The following LRRTM4 variants were observed in gnomAD, a reference collection of about 807,000 sequenced individuals.
The protein encoded by LRRTM4 is leucine rich repeat transmembrane neuronal 4, also known as leucine-rich repeat transmembrane neuronal protein 4.
In LRRTM4, 25 loss-of-function variants were observed where a neutral mutation model predicts 47.6. That is an observed-to-expected ratio of 0.53 (90% CI 0.38 to 0.73). The LOEUF is 0.73. LRRTM4 is among the 30% of genes least tolerant of loss of function. The pLI is 0.00. For synonymous variants in LRRTM4, 311 were observed against 269.5 expected, an observed-to-expected ratio of 1.15 and a Z score of -1.51; for missense variants, 638 against 713.4, an observed-to-expected ratio of 0.89 and a Z score of 1.20.
intron 3 of LRRTM4, among the ~76,000 whole-genome samples, chr2:76,891,096 AAGG>A (rs1283865724): frequency 1.3e-5 from 2 of 151,952 alleles, no homozygotes; most frequent in African/African-American, 2.4e-5. Flanking sequence ...AATGAAGTGA[AAGG>A]AGGAGAAAAG....
intron 3 of LRRTM4, among the ~76,000 whole-genome samples, chr2:77,511,008 A>G (rs924473468): frequency 6.6e-6 from 1 of 152,040 alleles, no homozygotes; most frequent in Non-Finnish European, 1.5e-5. Flanking sequence ...TTTAATGATT[A>G]TGTTTTTCCA....
chr2:77,054,329 G>C (rs1449268074), intron 3 of LRRTM4, among the ~76,000 whole-genome samples: 1 of 152,132 alleles, frequency 6.6e-6, no homozygotes, highest in Admixed American at 6.5e-5. Flanking sequence ...AACTACAAAT[G>C]AATAAAATGT....
chr2:77,379,727 C>T (rs555390533), intron 3 of LRRTM4, among the ~76,000 whole-genome samples: 1 of 151,882 alleles, frequency 6.6e-6, no homozygotes, highest in Admixed American at 6.6e-5. Context: ...TTTTATTTCG[C>T]CTTCTTTCTT....
intron 3 of LRRTM4, among the ~76,000 whole-genome samples, chr2:76,768,016 A>C (rs1195889072): frequency 2.6e-5 from 4 of 152,178 alleles, no homozygotes; most frequent in Non-Finnish European, 5.9e-5. Flanking sequence ...AATATAAGCC[A>C]ATTTCATAAG....
chr2:77,456,204 T>C (rs1676534422), intron 3 of LRRTM4, among the ~76,000 whole-genome samples: 1 of 152,170 alleles, frequency 6.6e-6, no homozygotes, highest in African/African-American at 2.4e-5. Flanking sequence ...AATCCATAAA[T>C]TCCTGACGCA....
chr2:77,285,196 T>C (rs1229494138), intron 3 of LRRTM4, among the ~76,000 whole-genome samples: 1 of 151,526 alleles, frequency 6.6e-6, no homozygotes, highest in African/African-American at 2.4e-5. Context: ...CTATACCTAT[T>C]TGAGAGCATT....
chr2:77,104,737 C>A (rs948675484), intron 3 of LRRTM4, among the ~76,000 whole-genome samples: 2 of 152,140 alleles, frequency 1.3e-5, no homozygotes, highest in African/African-American at 4.8e-5. Flanking sequence ...CCGCTGAAAT[C>A]GAGCAGGGTT....
intron 3 of LRRTM4, among the ~76,000 whole-genome samples, chr2:77,341,224 T>G (rs1223417156): frequency 1.3e-5 from 2 of 152,000 alleles, no homozygotes; most frequent in Non-Finnish European, 2.9e-5. Context: ...ATCCTCATTC[T>G]TATTAGATTT....
intron 3 of LRRTM4, among the ~76,000 whole-genome samples, chr2:77,463,816 T>C (rs568226926): frequency 6.6e-6 from 1 of 152,262 alleles, no homozygotes; most frequent in African/African-American, 2.4e-5. Context: ...GGGAATTGTA[T>C]ACTTCCTCTG....
intron 3 of LRRTM4, among the ~76,000 whole-genome samples, chr2:77,090,683 G>T (rs1022665947): frequency 1.3e-5 from 2 of 152,106 alleles, no homozygotes; most frequent in African/African-American, 4.8e-5. Context: ...CCAGGCCAAG[G>T]AATGTCTGCA....
Position 76,778,503 on chromosome 2 carries a change from C to T in LRRTM4, c.1552-29587G>A, listed in dbSNP as rs975690428. Reference sequence around the variant, plus strand: ...GTTAGTCTTGGGAGAGTGTATGTGTCGAGGAATTTATCCATTTCTTGTAGA... The same window carrying T: ...GTTAGTCTTGGGAGAGTGTATGTGTTGAGGAATTTATCCATTTCTTGTAGA... On this transcript the variant is annotated intron_variant, in intron 3 of 3. Transcript: ENST00000409884. Among the ~76,000 whole-genome samples the T allele has an allele frequency of 1.5e-4, 23 of 149,448 alleles. 1 individual carries two copies. The highest frequency in any genetic ancestry group is 1.2e-3 in the East Asian group (6 of 5,174).
At chr2:76,893,641 G>C (rs1050787120) in intron 3 of LRRTM4, among the ~76,000 whole-genome samples, 1 of 151,674 alleles carries the variant, frequency 6.6e-6, no homozygotes, top group African/African-American at 2.4e-5. Context: ...GAAAACACTT[G>C]GGAACTTCCT....
chr2:77,124,015 G>A (rs144848712), intron 3 of LRRTM4, among the ~76,000 whole-genome samples: 5 of 152,246 alleles, frequency 3.3e-5, no homozygotes, highest in East Asian at 3.9e-4. Flanking sequence ...TGTAGACAGC[G>A]TAAGAAGCTA....
chr2:77,242,099 T>C (rs938436953), intron 3 of LRRTM4, among the ~76,000 whole-genome samples: 1 of 152,172 alleles, frequency 6.6e-6, no homozygotes, highest in African/African-American at 2.4e-5. Flanking sequence ...TTCTTCCTTT[T>C]AAAGATTATT....
chr2:77,308,545 A>C (rs562411592), intron 3 of LRRTM4, among the ~76,000 whole-genome samples: 1 of 152,244 alleles, frequency 6.6e-6, no homozygotes, highest in East Asian at 1.9e-4. Context: ...TTATCATTTT[A>C]AATAACATAT....
chr2:76,822,833 T>C (rs990494636), intron 3 of LRRTM4, among the ~76,000 whole-genome samples: 3 of 151,476 alleles, frequency 2.0e-5, no homozygotes, highest in African/African-American at 4.8e-5. Flanking sequence ...TACCTGCCCA[T>C]TGGCCTAAGG....
intron 3 of LRRTM4, among the ~76,000 whole-genome samples, chr2:77,031,898 G>T (rs1678672339): frequency 6.6e-6 from 1 of 152,040 alleles, no homozygotes; most frequent in South Asian, 2.1e-4. Flanking sequence ...CTTGTCCATA[G>T]CAGTTCAGCA....
chr2:76,958,684 T>C (rs1475931177), intron 3 of LRRTM4, among the ~76,000 whole-genome samples: 2 of 151,752 alleles, frequency 1.3e-5, no homozygotes, highest in African/African-American at 4.8e-5. Flanking sequence ...AAATAGCTCT[T>C]GGGTAACTTT....
At chr2:77,305,594 A>C (rs779943670) in intron 3 of LRRTM4, among the ~76,000 whole-genome samples, 2 of 152,128 alleles carry the variant, frequency 1.3e-5, no homozygotes, top group African/African-American at 2.4e-5. Flanking sequence ...CAACAGGCAT[A>C]GTCCTAAAAC....
Sources: gnomAD v4.1 joint callset for allele counts (sites outside exome capture counted in the v4.1 genomes callset) on GRCh38, gnomAD v4.1.1 for gene constraint, MANE v1.5 for transcripts, NCBI Gene and HGNC (gene_info 2026-07-23, HGNC 2026-07-21) for gene names.